The following FOXO1 variants were observed in gnomAD, a reference collection of about 807,000 sequenced individuals.
FOXO1 encodes the protein forkhead box O1, also known as forkhead box protein O1.
Under a neutral mutation model 44.1 loss-of-function variants are expected in FOXO1, and 6 were observed. The ratio of observed to expected loss-of-function variants is 0.14; its 90% CI spans 0.07 to 0.27. The LOEUF (loss-of-function observed/expected upper bound fraction) is 0.27, where lower values mean the gene tolerates loss of function less well. FOXO1 is among the 10% of genes least tolerant of loss of function. The probability of loss-of-function intolerance (pLI) is 1.00; values close to 1 mark genes in which losing one functional copy is unlikely to be tolerated. For missense variants in FOXO1, 737 were observed against 888.8 expected (o/e 0.83, Z 2.17); for synonymous variants, 380 against 362.7 (o/e 1.05, Z -0.54).
intron 1 of FOXO1, among the ~76,000 whole-genome samples, chr13:40,589,366 T>C (rs2137862759): frequency 6.6e-6 from 1 of 152,304 alleles, no homozygotes; most frequent in East Asian, 1.9e-4. Flanking sequence ...AACTCTCACA[T>C]GAGTACAGTC....
At chr13:40,664,330 C>T (rs952398349) in intron 1 of FOXO1, among the ~76,000 whole-genome samples, 1 of 152,104 alleles carries the variant, frequency 6.6e-6, no homozygotes, top group African/African-American at 2.4e-5. Context: ...ATTCCGCCAC[C>T]GGTGACAGTG....
chr13:40,566,622 C>T (rs1179210476), intron 1 of FOXO1, among the ~76,000 whole-genome samples: 1 of 152,102 alleles, frequency 6.6e-6, no homozygotes, highest in Non-Finnish European at 1.5e-5. Flanking sequence ...TCGTGATCTG[C>T]CTGCCTCAGT....
intron 1 of FOXO1, among the ~76,000 whole-genome samples, chr13:40,628,182 A>T (rs956050699): frequency 2.6e-5 from 4 of 152,134 alleles, no homozygotes; most frequent in South Asian, 2.1e-4. Flanking sequence ...TCAAAATAAA[A>T]AATTTTTTTT....
intron 1 of FOXO1, among the ~76,000 whole-genome samples, chr13:40,646,451 G>A (rs905042815): frequency 6.6e-6 from 1 of 152,104 alleles, no homozygotes; most frequent in Non-Finnish European, 1.5e-5. Context: ...AAAGTGCTGG[G>A]ATTACAAGTG....
chr13:40,585,707 G>C (rs940661056), intron 1 of FOXO1, among the ~76,000 whole-genome samples: 1 of 152,100 alleles, frequency 6.6e-6, no homozygotes, highest in Non-Finnish European at 1.5e-5. Context: ...TCAAAAGAAA[G>C]AAGCAAGAAA....
chr13:40,563,196 TG>T (rs1874109252), intron 1 of FOXO1, among the ~76,000 whole-genome samples: 1 of 152,186 alleles, frequency 6.6e-6, no homozygotes, highest in South Asian at 2.1e-4. Context: ...GCCATTGACA[TG>T]GGACGCCCGG....
intron 1 of FOXO1, among the ~76,000 whole-genome samples, chr13:40,570,380 A>C (rs1262283578): frequency 6.6e-6 from 1 of 150,964 alleles, no homozygotes; most frequent in African/African-American, 2.4e-5. Flanking sequence ...GTAAGAACGT[A>C]CTACAGGACA....
At chr13:40,612,467 T>A (rs372523183) in intron 1 of FOXO1, among the ~76,000 whole-genome samples, 19 of 152,222 alleles carry the variant, frequency 1.2e-4, no homozygotes, top group African/African-American at 4.3e-4. Context: ...AAGAGACTTG[T>A]GTGTGTGTTA....
At chr13:40,572,819 A>G (rs1874588727) in intron 1 of FOXO1, among the ~76,000 whole-genome samples, 1 of 151,958 alleles carries the variant, frequency 6.6e-6, no homozygotes, top group South Asian at 2.1e-4. Context: ...GCACAATTAC[A>G]CTCTAAGACA....
chr13:40,606,773 C>T (rs1490633535), intron 1 of FOXO1, among the ~76,000 whole-genome samples: 5 of 152,132 alleles, frequency 3.3e-5, no homozygotes, highest in South Asian at 4.1e-4. Flanking sequence ...CCTCTGCTGT[C>T]CCTCCATCCT....
At chr13:40,655,929 G>A (rs1218320490) in intron 1 of FOXO1, among the ~76,000 whole-genome samples, 1 of 152,090 alleles carries the variant, frequency 6.6e-6, no homozygotes, top group Non-Finnish European at 1.5e-5. Context: ...GAGCCACCGC[G>A]CCCGGACAGC....
intron 1 of FOXO1, among the ~76,000 whole-genome samples, chr13:40,635,395 C>T (rs1407039179): frequency 2.0e-5 from 3 of 152,156 alleles, no homozygotes; most frequent in East Asian, 3.8e-4. Flanking sequence ...ATAAAGAACA[C>T]TTTAACCCAC....
chr13:40,651,380 CCA>C (rs1877682044), intron 1 of FOXO1, among the ~76,000 whole-genome samples: 1 of 152,122 alleles, frequency 6.6e-6, no homozygotes, highest in African/African-American at 2.4e-5. Flanking sequence ...CCTAGGAGAA[CCA>C]CTACAGAGCA....
At chr13:40,642,373 AT>A (rs1378811245) in intron 1 of FOXO1, among the ~76,000 whole-genome samples, 1 of 152,166 alleles carries the variant, frequency 6.6e-6, no homozygotes, top group East Asian at 1.9e-4. Context: ...ACTTCCCTCA[AT>A]CAGTCTGTCT....
chr13:40,611,362 A>G (rs1433214935), intron 1 of FOXO1, among the ~76,000 whole-genome samples: 1 of 152,258 alleles, frequency 6.6e-6, no homozygotes, highest in Non-Finnish European at 1.5e-5. Context: ...GCACCACTGT[A>G]ACCAATACAA....
intron 1 of FOXO1, among the ~76,000 whole-genome samples, chr13:40,645,692 G>A (rs1877485869): frequency 6.6e-6 from 1 of 152,304 alleles, no homozygotes; most frequent in East Asian, 1.9e-4. Context: ...AAATGAGAAG[G>A]AAAGCAAAGA....
intron 1 of FOXO1, among the ~76,000 whole-genome samples, chr13:40,639,715 A>T (rs888981420): frequency 1.3e-5 from 2 of 152,224 alleles, no homozygotes; most frequent in Non-Finnish European, 2.9e-5. Context: ...TCCCCACCCA[A>T]GCTGTGACAA....
At chr13:40,562,805 C>T (rs1874085986) in intron 1 of FOXO1, 1 of 152,364 alleles carries the variant, frequency 6.6e-6, no homozygotes, top group Non-Finnish European at 1.5e-5. Context: ...TCCTCTACAA[C>T]ACAGAGTAAG....
At chr13:40,654,117 G>A (rs1877773511) in intron 1 of FOXO1, among the ~76,000 whole-genome samples, 1 of 151,828 alleles carries the variant, frequency 6.6e-6, no homozygotes, top group East Asian at 1.9e-4. Flanking sequence ...TAAGCTCATG[G>A]GGTATATCAT....
Sources: allele counts gnomAD v4.1 joint callset (sites outside exome capture counted in the v4.1 genomes callset), GRCh38; gene constraint gnomAD v4.1.1; transcripts MANE v1.5; gene names NCBI Gene and HGNC (gene_info 2026-07-23, HGNC 2026-07-21).